The following ANXA11 variants were observed in gnomAD, a reference collection of about 807,000 sequenced individuals.
ANXA11 encodes 56 kDa autoantigen.
ANXA11 carries 57 observed loss-of-function variants against 64.7 expected under a neutral mutation model. That is an observed-to-expected ratio of 0.88 (90% CI 0.71 to 1.10). ANXA11 has a LOEUF of 1.10. ANXA11 is among the 50% of genes least tolerant of loss of function. The probability of loss-of-function intolerance (pLI) is 0.00; values close to 1 mark genes in which losing one functional copy is unlikely to be tolerated. For missense variants in ANXA11, 675 were observed against 670.7 expected (o/e 1.01, Z -0.07); for synonymous variants, 260 against 265.2 (o/e 0.98, Z 0.19).
rs1204155902 is a variant in ANXA11, at chr10:80,162,031, GGAGA to G, written c.1087-7_1087-4del. 1 of 1,608,698 alleles carries G rather than the reference GGAGA, an allele frequency of 6.2e-7. No individual in the cohort carries two copies. Among genetic ancestry groups the G allele is most frequent in the East Asian group, 2.2e-5 (1 of 44,832 alleles). ...TTCTCCCCGGCCGCATACAGCTCCT[GGAGA>G]GAGAGGAAGACGCACATGTGGCACA... On this transcript the variant is annotated splice_polypyrimidine_tract_variant and splice_region_variant and intron_variant, in intron 11 of 15. Coordinates refer to ENST00000422982, the MANE Select transcript of ANXA11 (RefSeq NM_145868.2).
rs759659694 is a variant in ANXA11, at chr10:80,167,265, G to T, written c.610C>A (p.Arg204=). Residue 204 remains arginine (R), a synonymous_variant, in exon 6 of 16, where the codon CGA becomes AGA. Coordinates refer to ENST00000422982, the MANE Select transcript of ANXA11 (RefSeq NM_145868.2). ...GCCTTCCGCAGGACCTCGGCATCTC[G>T]CAGGGGGTCAAAGCCGGGAGCATCA... ...ITDAPGFDPL[R]DAEVLRKAMK... The T allele has an allele frequency of 6.2e-7, 1 of 1,614,148 alleles. No individual in the cohort carries two copies. The highest frequency in any genetic ancestry group is 8.5e-7 in the Non-Finnish European group (1 of 1,180,026).
intron 1 of ANXA11, among the ~76,000 whole-genome samples, chr10:80,185,823 T>C (rs1441218811): frequency 1.3e-5 from 2 of 152,212 alleles, no homozygotes; most frequent in Non-Finnish European, 2.9e-5. Flanking sequence ...CACTACACTA[T>C]ACTTCCTCAC....
intron 3 of ANXA11, among the ~76,000 whole-genome samples, chr10:80,172,217 G>A (rs1469976104): frequency 6.6e-6 from 1 of 152,114 alleles, no homozygotes. Flanking sequence ...AAGGGGCCAG[G>A]GCCAGAGAAG....
At chr10:80,171,637 A>C (rs1374934608) in intron 3 of ANXA11, 2 of 985,390 alleles carry the variant, frequency 2.0e-6, no homozygotes, top group Non-Finnish European at 2.4e-6. Flanking sequence ...TGGGTGCCCG[A>C]TGGGCATTCG....
At chr10:80,200,148 A>G (rs1433940211) in intron 1 of ANXA11, among the ~76,000 whole-genome samples, 1 of 152,122 alleles carries the variant, frequency 6.6e-6, no homozygotes, top group Non-Finnish European at 1.5e-5. Flanking sequence ...CCCCTCCTAA[A>G]AATCTGGCTA....
At chr10:80,179,926 T>A (rs1377767362) in intron 1 of ANXA11, among the ~76,000 whole-genome samples, 1 of 152,162 alleles carries the variant, frequency 6.6e-6, no homozygotes, top group Non-Finnish European at 1.5e-5. Flanking sequence ...CTCTCAAACA[T>A]GGTGCCATCC....
chr10:80,170,460 T>C (rs1455917446), intron 4 of ANXA11, among the ~76,000 whole-genome samples: 2 of 152,132 alleles, frequency 1.3e-5, no homozygotes, highest in Admixed American at 6.5e-5. Flanking sequence ...CACATGCAGG[T>C]ATATGAATGT....
intron 1 of ANXA11, among the ~76,000 whole-genome samples, chr10:80,199,826 A>T (rs1840340366): frequency 6.6e-6 from 1 of 152,216 alleles, no homozygotes; most frequent in Admixed American, 6.5e-5. Flanking sequence ...ACTACTCACT[A>T]GGATCTCAGG....
rs774820703 is a variant in ANXA11 at position 80,169,157 on chromosome 10, C to G, written c.373G>C (p.Gly125Arg). 3 of 1,569,464 alleles carry G rather than the reference C, an allele frequency of 1.9e-6. No homozygotes were observed. The highest frequency in any genetic ancestry group is 4.5e-5 in the East Asian group (2 of 44,522). Reference sequence around the variant, plus strand: ...ATGGGCTGGCCCGGCACAGGGGCCCCTGGGTATGGCGGATATGAGGGCATC... The same window carrying G: ...ATGGGCTGGCCCGGCACAGGGGCCCGTGGGTATGGCGGATATGAGGGCATC... ...SRMPSYPPYP[G>R]APVPGQPMPP... Residue 125 changes from glycine (G) to arginine (R), a missense_variant, in exon 5 of 16, where the codon GGG (glycine) becomes CGG (arginine). Transcript: ENST00000422982.
intron 3 of ANXA11, among the ~76,000 whole-genome samples, chr10:80,172,108 AG>A (rs1845998035): frequency 1.3e-5 from 2 of 152,324 alleles, no homozygotes; most frequent in Non-Finnish European, 2.9e-5. Flanking sequence ...AGGCACCCTC[AG>A]GATGACCAGC....
chr10:80,166,997 G>A lies in ANXA11; in HGVS notation c.650-13C>T, dbSNP rs1845770833. 2.5e-6 allele frequency: 4 copies of A among 1,576,876 alleles called. No individual in the cohort carries two copies. The highest frequency in any genetic ancestry group is 1.7e-4 in the Middle Eastern group (1 of 5,970). ...TGCTCATCCGTCCCTGGAGGAAGAG[G>A]CAGCAGGGGTGGGTCGGGTAGGGGT... On this transcript the variant is annotated splice_polypyrimidine_tract_variant and intron_variant, in intron 6 of 15. Coordinates refer to ENST00000422982, the MANE Select transcript of ANXA11 (RefSeq NM_145868.2).
chr10:80,157,897 C>CCT (rs2132359217), intron 14 of ANXA11, 70 bp downstream of exon 14: 1 of 1,599,900 alleles, frequency 6.3e-7, no homozygotes, highest in East Asian at 2.2e-5. Flanking sequence ...GGCCTTCTGC[C>CCT]CTCAGCCCTT....
At chr10:80,171,862 C>A in intron 3 of ANXA11, 1 of 985,522 alleles carries the variant, frequency 1.0e-6, no homozygotes, top group Non-Finnish European at 1.2e-6. Context: ...GAGAGAGAAC[C>A]CAGGCCAGTG....
intron 1 of ANXA11, among the ~76,000 whole-genome samples, chr10:80,195,373 C>T (rs1279854716): frequency 6.6e-6 from 1 of 152,244 alleles, no homozygotes; most frequent in African/African-American, 2.4e-5. Flanking sequence ...AACACCTTCA[C>T]TTGGGAATGG....
intron 1 of ANXA11, among the ~76,000 whole-genome samples, chr10:80,200,636 G>C (rs767730697): frequency 1.3e-5 from 2 of 152,186 alleles, no homozygotes; most frequent in Admixed American, 6.5e-5. Context: ...GGTAACTGAA[G>C]TTAAGAGATC....
intron 1 of ANXA11, among the ~76,000 whole-genome samples, chr10:80,200,802 G>A (rs11202082): frequency 0.063 from 9,661 of 152,238 alleles, 411 homozygotes; most frequent in Non-Finnish European, 0.099. Flanking sequence ...AGGCTGAGGC[G>A]GGGCGGGGGG....
chr10:80,180,939 A>C (rs2132451371), intron 1 of ANXA11: 1 of 152,254 alleles, frequency 6.6e-6, no homozygotes, highest in South Asian at 2.1e-4. Context: ...GCTCTCTCTT[A>C]CCCGCATGAT....
chr10:80,171,692 T>C (rs1845983415), intron 3 of ANXA11: 3 of 985,504 alleles, frequency 3.0e-6, no homozygotes, highest in Non-Finnish European at 3.6e-6. Flanking sequence ...TTCCTCTACA[T>C]GGCAGCTTCG....
Position 80,159,168 on chromosome 10 carries a change from CCT to C in ANXA11, c.1206_1207del (p.Gly403ProfsTer4). On this transcript the variant is annotated frameshift_variant, in exon 13 of 16. Coordinates refer to ENST00000422982, the MANE Select transcript of ANXA11 (RefSeq NM_145868.2). LOFTEE classifies it high-confidence loss of function. ...GCAGATGCTCTTCTCAATGTCCCGGCCTGTCATTCTCTGGTACTCATTGAAAA... is the reference window on the plus strand; with the variant it reads ...GCAGATGCTCTTCTCAATGTCCCGGCGTCATTCTCTGGTACTCATTGAAAA... The C allele has an allele frequency of 1.2e-6, 2 of 1,613,972 alleles. No individual in the cohort carries two copies. The highest frequency in any genetic ancestry group is 2.7e-5 in the African/African-American group (2 of 74,906).
Sources: gnomAD v4.1 joint callset for allele counts (sites outside exome capture counted in the v4.1 genomes callset) on GRCh38, gnomAD v4.1.1 for gene constraint, MANE v1.5 for transcripts, NCBI Gene and HGNC (gene_info 2026-07-23, HGNC 2026-07-21) for gene names.